TBC1D2B: variants seen among roughly 807,000 people sequenced by gnomAD.
TBC1D2B encodes the protein TBC1 domain family member 2B.
Under a neutral mutation model 100.8 loss-of-function variants are expected in TBC1D2B, and 64 were observed. The ratio of observed to expected loss-of-function variants is 0.64; its 90% CI spans 0.52 to 0.78. The LOEUF (loss-of-function observed/expected upper bound fraction) is 0.78, where lower values mean the gene tolerates loss of function less well. Ranked by LOEUF, TBC1D2B falls within the 30% of genes least tolerant of loss-of-function variation. The probability of loss-of-function intolerance (pLI) is 0.00; values close to 1 mark genes in which losing one functional copy is unlikely to be tolerated. For synonymous variants in TBC1D2B, 480 were observed against 479.7 expected, an observed-to-expected ratio of 1.00 and a Z score of -0.01; for missense variants, 1,052 against 1,218.4, an observed-to-expected ratio of 0.86 and a Z score of 2.03.
chr15:78,019,232 C>T (rs1427898821), intron 6 of TBC1D2B, among the ~76,000 whole-genome samples: 1 of 152,190 alleles, frequency 6.6e-6, no homozygotes, highest in Non-Finnish European at 1.5e-5. Context: ...TTACGGAGCA[C>T]TTGCGATGGG....
At chr15:78,040,851 A>G (rs866026137) in intron 3 of TBC1D2B, among the ~76,000 whole-genome samples, 379 of 134,324 alleles carry the variant, frequency 2.8e-3, no homozygotes, top group East Asian at 0.011. Flanking sequence ...AGAAAGAAAG[A>G]AAGGAAGAAA....
chr15:78,072,220 C>T (rs1230140187), intron 1 of TBC1D2B, among the ~76,000 whole-genome samples: 4 of 152,188 alleles, frequency 2.6e-5, no homozygotes, highest in Non-Finnish European at 4.4e-5. Context: ...CCTTAGGGAG[C>T]TTACCCTCTG....
At chr15:78,001,494 C>A in intron 12 of TBC1D2B, 125 bp downstream of exon 12, 2 of 1,173,186 alleles carry the variant, frequency 1.7e-6, no homozygotes, top group Non-Finnish European at 2.2e-6. Flanking sequence ...GAAAGCAATG[C>A]CCTCTCCAAC....
In TBC1D2B at chr15:78,077,324, A is replaced by C. The variant is rs2073846158; in HGVS notation, c.329T>G (p.Val110Gly). Reference protein sequence around the residue: ...PGTEPPAHFQVHSAGAVTVLK... With the variant: ...PGTEPPAHFQGHSAGAVTVLK... ...CACCGTGACGGCTCCCGCGCTGTGC[A>C]CCTGGAAGTGCGCGGGCGGCTCCGT... The change falls in exon 1 of 13, where the codon GTG becomes GGG. Residue 110 changes from valine to glycine, a missense_variant. Coordinates refer to ENST00000300584, the MANE Select transcript of TBC1D2B (RefSeq NM_144572.2). 1.8e-5 allele frequency: 28 copies of C among 1,534,876 alleles called. No homozygotes were observed. Among genetic ancestry groups the C allele is most frequent in the Non-Finnish European group, 2.5e-5 (28 of 1,141,678 alleles).
intron 12 of TBC1D2B, among the ~76,000 whole-genome samples, chr15:77,999,723 C>A (rs1360600465): frequency 2.0e-5 from 3 of 152,142 alleles, no homozygotes; most frequent in Middle Eastern, 3.2e-3. Flanking sequence ...AGAACACGAG[C>A]CCGAAGTATA....
chr15:78,066,803 G>A (rs555372724), intron 1 of TBC1D2B, among the ~76,000 whole-genome samples: 4 of 152,220 alleles, frequency 2.6e-5, no homozygotes, highest in South Asian at 2.1e-4. Flanking sequence ...TTCCTTTGAC[G>A]AACCAAAGAG....
intron 6 of TBC1D2B, among the ~76,000 whole-genome samples, chr15:78,018,257 T>A (rs933605029): frequency 2.6e-5 from 4 of 152,218 alleles, no homozygotes; most frequent in African/African-American, 9.6e-5. Context: ...TTCCTAAATC[T>A]ATGCAAATAT....
chr15:78,054,452 C>T (rs2073379081), intron 1 of TBC1D2B, among the ~76,000 whole-genome samples: 1 of 152,178 alleles, frequency 6.6e-6, no homozygotes, highest in South Asian at 2.1e-4. Flanking sequence ...ATAACATTTT[C>T]CTCAAAACCG....
At chr15:77,999,592 G>A (rs547950232) in intron 12 of TBC1D2B, among the ~76,000 whole-genome samples, 9 of 152,280 alleles carry the variant, frequency 5.9e-5, no homozygotes, top group Admixed American at 3.3e-4. Flanking sequence ...CCCAGCAGGC[G>A]GGAGGAGGCT....
chr15:78,024,200 C>T lies in TBC1D2B; in HGVS notation c.1426G>A (p.Val476Ile), dbSNP rs544474733. Residue 476 changes from valine to isoleucine, a missense_variant, in exon 6 of 13, where the codon GTT becomes ATT. Physicochemically the swap from Val to Ile is conservative, Grantham distance 29. Around this residue, in one of 4 missense-constraint regions of TBC1D2B, gnomAD observed 627 missense variants for 646.1 expected, o/e 0.97. Coordinates refer to ENST00000300584, the MANE Select transcript of TBC1D2B (RefSeq NM_144572.2). ...AGCTGGTCCCTGGCAACAGGCACAACCGAAGGGGAGCTGGGCGCCACGGTG... is the reference window on the plus strand; with the variant it reads ...AGCTGGTCCCTGGCAACAGGCACAATCGAAGGGGAGCTGGGCGCCACGGTG... ...PPTVAPSSPS[V>I]VPVARDQLEL... The T allele has an allele frequency of 5.6e-6, 9 of 1,613,778 alleles. No homozygotes were observed. The South Asian group carries it at 6.6e-5, about 12-fold the overall frequency.
intron 12 of TBC1D2B, chr15:77,998,981 T>A (rs1313990625): frequency 5.2e-6 from 1 of 191,098 alleles, no homozygotes; most frequent in Non-Finnish European, 1.1e-5. Context: ...AAGGTTATGA[T>A]CCACTTGCTC....
chr15:78,040,835 G>GA (rs749407980), intron 3 of TBC1D2B, among the ~76,000 whole-genome samples: 1 of 75,288 alleles, frequency 1.3e-5, no homozygotes, highest in Non-Finnish European at 2.8e-5. Context: ...AGGAAAGAAA[G>GA]AAAAAAGAAA....
In TBC1D2B at chr15:78,047,006, T is replaced by C. The variant is rs1342922025; in HGVS notation, c.515-1938A>G. On this transcript the variant is annotated intron_variant, in intron 2 of 12. Transcript: ENST00000300584. ...TCAAGAACACACTGGGGAAGTATCT[T>C]GGGCATGGCATGAGTAAACAAGTGC... Among the ~76,000 whole-genome samples, 5 of 152,174 alleles carry C rather than the reference T, an allele frequency of 3.3e-5. No homozygotes were observed. In the South Asian group the frequency reaches 6.2e-4, roughly 19 times the overall value.
intron 1 of TBC1D2B, among the ~76,000 whole-genome samples, chr15:78,069,739 G>GATAC (rs1055056234): frequency 3.3e-5 from 5 of 152,168 alleles, no homozygotes; most frequent in African/African-American, 4.8e-5. Flanking sequence ...TAGATAGATA[G>GATAC]ATACATACAT....
At chr15:78,058,325 T>C (rs938606910) in intron 1 of TBC1D2B, among the ~76,000 whole-genome samples, 1 of 151,834 alleles carries the variant, frequency 6.6e-6, no homozygotes, top group Non-Finnish European at 1.5e-5. Flanking sequence ...TCCACGGGGG[T>C]GTGGGGCAGC....
chr15:78,009,951 G>A (rs917026890), intron 9 of TBC1D2B, among the ~76,000 whole-genome samples: 9 of 150,670 alleles, frequency 6.0e-5, no homozygotes, highest in Non-Finnish European at 1.0e-4. Flanking sequence ...CTCCGGCCTG[G>A]GCGAGAGAGC....
intron 9 of TBC1D2B, among the ~76,000 whole-genome samples, chr15:78,010,449 C>T (rs2072194174): frequency 6.6e-6 from 1 of 152,110 alleles, no homozygotes; most frequent in Non-Finnish European, 1.5e-5. Flanking sequence ...TCCCTGAAGC[C>T]ATTTCTCAGA....
rs571698083 is a variant in TBC1D2B at position 78,017,889 on chromosome 15, T to C, written c.1539A>G (p.Leu513=). ...TCTCTCTCCTTTCTGCATTTCTTCG[T>C]AGAGCTGAGAGTTCCAAAATCTCCT... ...LNKEILELSA[L]RRNAERRERD... Residue 513 remains leucine, a synonymous_variant, in exon 7 of 13, where the codon CTA becomes CTG. Transcript: ENST00000300584. 1.2e-6 allele frequency: 2 copies of C among 1,612,630 alleles called. No individual in the cohort carries two copies. The highest frequency in any genetic ancestry group is 1.7e-6 in the Non-Finnish European group (2 of 1,179,278).
At position 77,996,751 on chromosome 15, in the gene TBC1D2B, C is replaced by T. The variant is rs2071771031; in HGVS notation, c.*1409G>A. The T allele has an allele frequency of 2.0e-5, 3 of 152,216 alleles. No individual in the cohort carries two copies. The highest frequency in any genetic ancestry group is 2.0e-4 in the Admixed American group (3 of 15,288). The allele number at this position is 152,216 out of a possible 1,614,324, so 9.4% of individuals were successfully genotyped here. ...TTCTTAAAACTGCATTGCTTCAATT[C>T]TTAGTCTCAGTGTGTTCACAACAAA... is the stretch of plus-strand genomic sequence containing the variant. On this transcript the variant is annotated 3_prime_UTR_variant, in exon 13 of 13. Coordinates refer to ENST00000300584, the MANE Select transcript of TBC1D2B (RefSeq NM_144572.2).
Sources: gnomAD v4.1 joint callset for allele counts (sites outside exome capture counted in the v4.1 genomes callset) on GRCh38, gnomAD v4.1.1 for gene constraint, gnomAD v4.1.1 regional missense constraint, MANE v1.5 for transcripts, NCBI Gene and HGNC (gene_info 2026-07-23, HGNC 2026-07-21) for gene names.